Variants in ASH1L observed in about 807,000 individuals in gnomAD.
ASH1L encodes the protein histone-lysine N-methyltransferase ASH1L.
ASH1L carries 23 observed loss-of-function variants against 269.0 expected under a neutral mutation model. That is an observed-to-expected ratio of 0.09 (90% CI 0.06 to 0.12). The LOEUF (loss-of-function observed/expected upper bound fraction) is 0.12. ASH1L is among the 10% of genes least tolerant of loss of function. The pLI is 1.00. For synonymous variants in ASH1L, 1,187 were observed against 1,253.5 expected, an observed-to-expected ratio of 0.95 and a Z score of 1.12; for missense variants, 2,912 against 3,567.8, an observed-to-expected ratio of 0.82 and a Z score of 4.68.
At chr1:155,418,402 C>CTGGA in intron 5 of ASH1L, among the ~76,000 whole-genome samples, 1 of 152,074 alleles carries the variant, frequency 6.6e-6, no homozygotes, top group South Asian at 2.1e-4. Flanking sequence ...AAATAAGGCA[C>CTGGA]TGGAGATCAG....
chr1:155,343,866 G>A lies in ASH1L; in HGVS notation c.7982-124C>T. On this transcript the variant is annotated intron_variant, in intron 22 of 27. Coordinates refer to ENST00000392403, the MANE Select transcript of ASH1L (RefSeq NM_018489.3). This position sits in a 1 kb window ranked among gnomAD's most constrained non-coding sequence, Gnocchi z 6.1. ...ATCTGAAACAGTATAAATACAGAGA[G>A]CTAAAAGCAGCAGTGTTAAGTGATG... 1 of 1,105,654 alleles carries A rather than the reference G, an allele frequency of 9.0e-7. No individual in the cohort carries two copies. The highest frequency in any genetic ancestry group is 2.7e-5 in the Admixed American group (1 of 36,530). The allele number at this position is 1,105,654 out of a possible 1,614,324, so 68.5% of individuals were successfully genotyped here.
At chr1:155,428,449 A>AT (rs2148586978) in intron 5 of ASH1L, among the ~76,000 whole-genome samples, 1 of 151,650 alleles carries the variant, frequency 6.6e-6, no homozygotes, top group African/African-American at 2.4e-5. Flanking sequence ...TCTCAAAAAA[A>AT]AAAATATATA....
chr1:155,527,459 T>C (rs1278778183), intron 1 of ASH1L, among the ~76,000 whole-genome samples: 2 of 151,942 alleles, frequency 1.3e-5, no homozygotes, highest in Admixed American at 6.6e-5. Context: ...TCCTCTCATC[T>C]TACCTGACCT....
At chr1:155,442,155 T>C (rs1383899796) in intron 4 of ASH1L, among the ~76,000 whole-genome samples, 1 of 152,136 alleles carries the variant, frequency 6.6e-6, no homozygotes, top group Non-Finnish European at 1.5e-5. Flanking sequence ...AGATGATAAC[T>C]GATTATTACT....
rs1662320308 is a variant in ASH1L, at chr1:155,438,886, G to A, written c.5269C>T (p.Arg1757Ter). The change falls in exon 5 of 28, where the codon CGA (arginine) becomes TGA (stop). Residue 1757 changes from arginine (R) to a stop codon, truncating the protein, a stop_gained. Transcript: ENST00000392403. LOFTEE classifies it high-confidence loss of function. The stretch of plus-strand genomic sequence containing the variant: ...AGGCTGTCTGGTTTTCCCAGGGTTC[G>A]GTCCTTGCTGTGGCTACGGCCTGGA... ...SSPGRSHSKD[R>*]TLGKPDSLLV... The A allele has an allele frequency of 6.2e-7, 1 of 1,614,034 alleles. No individual in the cohort carries two copies.
intron 21 of ASH1L, 41 bp from the exon 22 acceptor site, chr1:155,344,314 C>G (rs777921369): frequency 7.1e-6 from 10 of 1,409,342 alleles, no homozygotes; most frequent in Admixed American, 1.7e-5. Flanking sequence ...GCTGGAATTA[C>G]TACATTCAGC....
Position 155,352,721 on chromosome 1 carries a change from T to C in ASH1L, c.7351A>G (p.Ile2451Val). The change falls in exon 17 of 28, where the codon ATC (isoleucine) becomes GTC (valine). Residue 2451 changes from isoleucine to valine, a missense_variant. By Grantham distance (29) the Ile-to-Val change is conservative (BLOSUM62 3). Coordinates refer to ENST00000392403, the MANE Select transcript of ASH1L (RefSeq NM_018489.3). ...TTATAGTCACCTTTATAAGAGATGA[T>C]ACCATCACAAATTTCTTTGAAGATC... ...AQIFKEICDG[I>V]ISYKDSSRQA... The C allele has an allele frequency of 1.2e-6, 2 of 1,609,310 alleles. No individual in the cohort carries two copies. Among genetic ancestry groups the C allele is most frequent in the Non-Finnish European group, 1.7e-6 (2 of 1,178,714 alleles).
At chr1:155,554,192 C>T (rs1671421334) in intron 1 of ASH1L, among the ~76,000 whole-genome samples, 1 of 151,630 alleles carries the variant, frequency 6.6e-6, no homozygotes, top group South Asian at 2.1e-4. Flanking sequence ...TCAAGTGATT[C>T]TCTCACCTCA....
chr1:155,457,662 T>C (rs1021141895), intron 4 of ASH1L, among the ~76,000 whole-genome samples: 2 of 152,348 alleles, frequency 1.3e-5, no homozygotes, highest in East Asian at 3.9e-4. Context: ...TTTCAGTGAA[T>C]ATGTCTGAAT....
At chr1:155,364,287 C>T (rs1655219497) in intron 12 of ASH1L, among the ~76,000 whole-genome samples, 1 of 152,116 alleles carries the variant, frequency 6.6e-6, no homozygotes, top group Admixed American at 6.6e-5. Context: ...AAAAAGATAT[C>T]TTCTAGTTGA....
chr1:155,489,795 A>AAAATAAATAAATAAAT (rs754645316), intron 2 of ASH1L, among the ~76,000 whole-genome samples: 4,761 of 141,480 alleles, frequency 0.034, 118 homozygotes, highest in Non-Finnish European at 0.045. Context: ...ACACTGTCTC[A>AAAATAAATAAATAAAT]AAATAAATAA....
chr1:155,365,388 T>G (rs1655323066), intron 12 of ASH1L, among the ~76,000 whole-genome samples: 1 of 148,132 alleles, frequency 6.8e-6, no homozygotes, highest in South Asian at 2.2e-4. Flanking sequence ...TTTTTTTTTT[T>G]TTTTTTGTAT....
chr1:155,547,595 T>A (rs1444048168), intron 1 of ASH1L, among the ~76,000 whole-genome samples: 1 of 151,864 alleles, frequency 6.6e-6, no homozygotes, highest in African/African-American at 2.4e-5. Flanking sequence ...TGGTAGCACA[T>A]GACCGTAACC....
chr1:155,458,592 C>T (rs1283345577), intron 4 of ASH1L, among the ~76,000 whole-genome samples: 1 of 152,126 alleles, frequency 6.6e-6, no homozygotes, highest in Non-Finnish European at 1.5e-5. Flanking sequence ...TGGTGGGCAC[C>T]TGTAATTCCA....
At chr1:155,530,505 C>T (rs1442272209) in intron 1 of ASH1L, among the ~76,000 whole-genome samples, 3 of 151,522 alleles carry the variant, frequency 2.0e-5, no homozygotes, top group Middle Eastern at 3.2e-3. Flanking sequence ...GCAGGCAGAT[C>T]ACTTGAGGTC....
chr1:155,378,782 A>G (rs1213361604), intron 8 of ASH1L, among the ~76,000 whole-genome samples: 2 of 152,226 alleles, frequency 1.3e-5, no homozygotes, highest in Admixed American at 1.3e-4. Context: ...AGTTTATACA[A>G]GTGGAATTAC....
chr1:155,495,229 C>T (rs187699934), intron 2 of ASH1L, among the ~76,000 whole-genome samples: 20 of 152,250 alleles, frequency 1.3e-4, no homozygotes, highest in African/African-American at 4.1e-4. Flanking sequence ...AATCAAAGTA[C>T]GGTGTGTGTT....
intron 2 of ASH1L, among the ~76,000 whole-genome samples, chr1:155,493,436 C>A (rs1666944411): frequency 6.6e-6 from 1 of 152,108 alleles, no homozygotes. Flanking sequence ...AAATATATTT[C>A]TAAGTATTTC....
chr1:155,368,340 C>T (rs909826441), intron 12 of ASH1L, among the ~76,000 whole-genome samples: 6 of 152,014 alleles, frequency 3.9e-5, no homozygotes, highest in African/African-American at 1.4e-4. Flanking sequence ...GTGAAGACAT[C>T]TGGTTCTCCA....
Sources: gnomAD v4.1 joint callset for allele counts (sites outside exome capture counted in the v4.1 genomes callset) on GRCh38, gnomAD v4.1.1 for gene constraint, Gnocchi (gnomAD v3.1) non-coding constraint, MANE v1.5 for transcripts, NCBI Gene and HGNC (gene_info 2026-07-23, HGNC 2026-07-21) for gene names.